Variants in AP2B1 observed in about 807,000 individuals in gnomAD.
AP2B1 encodes adaptor related protein complex 2 subunit beta 1.
In AP2B1, 23 loss-of-function variants were observed where a neutral mutation model predicts 102.0. The ratio of observed to expected loss-of-function variants is 0.23; its 90% CI spans 0.16 to 0.32. The LOEUF (loss-of-function observed/expected upper bound fraction) is 0.32. Among genes scored for constraint, AP2B1 ranks in the 10% least tolerant of loss-of-function variants. The probability of loss-of-function intolerance (pLI) is 1.00; values close to 1 mark genes in which losing one functional copy is unlikely to be tolerated. For missense variants in AP2B1, 541 were observed against 1,157.4 expected (o/e 0.47, Z 7.73); for synonymous variants, 381 against 421.2 (o/e 0.90, Z 1.17).
At chr17:35,650,468 G>A (rs2075059552) in intron 12 of AP2B1, 62 bp from the exon 13 acceptor site, 4 of 1,568,580 alleles carry the variant, frequency 2.6e-6, no homozygotes, top group African/African-American at 1.4e-5. Context: ...AAATCCAGCA[G>A]TTTGGGTTTC....
intron 13 of AP2B1, among the ~76,000 whole-genome samples, chr17:35,656,834 G>A (rs1040705902): frequency 1.1e-4 from 17 of 148,514 alleles, no homozygotes; most frequent in African/African-American, 4.0e-4. Context: ...GCAGTGAGCC[G>A]AGATGGCGCC....
chr17:35,619,486 A>AC (rs1360063085), intron 5 of AP2B1, among the ~76,000 whole-genome samples: 11 of 151,886 alleles, frequency 7.2e-5, no homozygotes, highest in Admixed American at 6.6e-4. Flanking sequence ...CTATTTAAAA[A>AC]AAAAACAAAA....
In AP2B1 at chr17:35,627,523, C is replaced by T. The variant is rs754757905; in HGVS notation, c.1059+18C>T. The T allele has an allele frequency of 1.9e-6, 3 of 1,613,902 alleles. No individual in the cohort carries two copies. Among genetic ancestry groups the T allele is most frequent in the Non-Finnish European group, 2.5e-6 (3 of 1,179,914 alleles). On this transcript the variant is annotated intron_variant, in intron 8 of 21. Transcript: ENST00000610402. The stretch of plus-strand genomic sequence containing the variant: ...TTGCTCAGGTCAGACTTTATGCAGA[C>T]TCAAGTTGATGATGATTTAGCTCTT...
At chr17:35,723,228 G>T (rs782738966) in intron 21 of AP2B1, among the ~76,000 whole-genome samples, 16 of 152,200 alleles carry the variant, frequency 1.1e-4, no homozygotes, top group Non-Finnish European at 1.9e-4. Flanking sequence ...CCTCTTGTCA[G>T]ACTGAGAAAC....
At chr17:35,673,852 G>C (rs1035364406) in intron 16 of AP2B1, among the ~76,000 whole-genome samples, 4 of 152,090 alleles carry the variant, frequency 2.6e-5, no homozygotes, top group Non-Finnish European at 4.4e-5. Context: ...TTTTCCTCTT[G>C]GTAGCAGTAC....
intron 3 of AP2B1, among the ~76,000 whole-genome samples, chr17:35,604,848 G>T (rs1260129900): frequency 6.6e-6 from 1 of 152,170 alleles, no homozygotes; most frequent in East Asian, 1.9e-4. Flanking sequence ...CCAGCACTAG[G>T]ATTAACATTT....
intron 5 of AP2B1, among the ~76,000 whole-genome samples, chr17:35,610,189 G>A (rs2073816156): frequency 6.6e-6 from 1 of 150,870 alleles, no homozygotes; most frequent in African/African-American, 2.4e-5. Context: ...CTGTCGCCCA[G>A]TCTGGAGTGC....
intron 13 of AP2B1, among the ~76,000 whole-genome samples, chr17:35,654,374 TTTG>T (rs1342609121): frequency 6.6e-6 from 1 of 152,152 alleles, no homozygotes; most frequent in East Asian, 1.9e-4. Flanking sequence ...GTTTTTTTGT[TTTG>T]TTTTACTTTT....
chr17:35,621,865 T>G (rs2074188524), intron 5 of AP2B1, among the ~76,000 whole-genome samples: 1 of 152,250 alleles, frequency 6.6e-6, no homozygotes, highest in South Asian at 2.1e-4. Flanking sequence ...ATTTAATCTT[T>G]TTGTTTTTTT....
rs1296199736 is a variant in AP2B1, at chr17:35,682,737, A to G, written c.2367A>G (p.Pro789=). 1 of 1,612,708 alleles carries G rather than the reference A, an allele frequency of 6.2e-7. No homozygotes were observed. Among genetic ancestry groups the G allele is most frequent in the African/African-American group, 1.3e-5 (1 of 74,862 alleles). The change falls in exon 18 of 22, where the codon CCA becomes CCG. Residue 789 remains proline (P), a synonymous_variant. Coordinates refer to ENST00000610402, the MANE Select transcript of AP2B1 (RefSeq NM_001030006.2). ...GCACTCCTCTGGCCATCCATACACC[A>G]CTGATGCCAAACCAGAGCATTGATG... The part of the protein sequence containing the change: ...IPSTPLAIHT[P]LMPNQSIDVS...
chr17:35,687,401 C>T (rs587628760), intron 18 of AP2B1, among the ~76,000 whole-genome samples: 184 of 152,054 alleles, frequency 1.2e-3, no homozygotes, highest in Middle Eastern at 6.8e-3. Flanking sequence ...ATTACAGGTG[C>T]GAGCCACCAC....
At chr17:35,707,983 A>G (rs1555585642) in intron 18 of AP2B1, among the ~76,000 whole-genome samples, 1 of 152,236 alleles carries the variant, frequency 6.6e-6, no homozygotes, top group Non-Finnish European at 1.5e-5. Context: ...GGAGAAGGGA[A>G]TACAGGCACC....
At chr17:35,594,568 G>T (rs139175977) in intron 2 of AP2B1, among the ~76,000 whole-genome samples, 4 of 152,166 alleles carry the variant, frequency 2.6e-5, no homozygotes, top group African/African-American at 7.2e-5. Context: ...TAATACATAT[G>T]ATTTAAAATT....
chr17:35,600,300 C>T (rs1410911407), intron 3 of AP2B1, among the ~76,000 whole-genome samples: 2 of 152,042 alleles, frequency 1.3e-5, no homozygotes, highest in Non-Finnish European at 2.9e-5. Context: ...CCAGGCTGGT[C>T]TCGAACTCCT....
At chr17:35,623,603 T>A (rs561181697) in intron 5 of AP2B1, among the ~76,000 whole-genome samples, 1 of 152,234 alleles carries the variant, frequency 6.6e-6, no homozygotes, top group Admixed American at 6.5e-5. Context: ...TGTATTATTA[T>A]TTTCTGTATT....
chr17:35,651,280 A>AT (rs61624645), intron 13 of AP2B1, among the ~76,000 whole-genome samples: 2 of 148,170 alleles, frequency 1.3e-5, no homozygotes, highest in African/African-American at 2.5e-5. Context: ...GTATTGTTTT[A>AT]TTTAAAAAAA....
chr17:35,659,745 G>C (rs1313161511), intron 14 of AP2B1: 1 of 935,208 alleles, frequency 1.1e-6, no homozygotes, highest in Non-Finnish European at 1.3e-6. Flanking sequence ...GATCTAAAAT[G>C]GTATCCTTGG....
At chr17:35,688,552 C>T (rs587696399) in intron 18 of AP2B1, among the ~76,000 whole-genome samples, 1 of 152,242 alleles carries the variant, frequency 6.6e-6, no homozygotes, top group Admixed American at 6.5e-5. Flanking sequence ...CTGCTCTCCC[C>T]TTCATTTTCT....
intron 4 of AP2B1, among the ~76,000 whole-genome samples, chr17:35,607,559 A>G (rs1019814397): frequency 1.1e-4 from 17 of 152,150 alleles, no homozygotes; most frequent in African/African-American, 4.1e-4. Flanking sequence ...TCTATTTACT[A>G]TATTTGGAAG....
Sources: gnomAD v4.1 joint callset for allele counts (sites outside exome capture counted in the v4.1 genomes callset) on GRCh38, gnomAD v4.1.1 for gene constraint, MANE v1.5 for transcripts, NCBI Gene and HGNC (gene_info 2026-07-23, HGNC 2026-07-21) for gene names.